NUBPL: variants seen among roughly 807,000 people sequenced by gnomAD.
NUBPL encodes the protein NUBP iron-sulfur cluster assembly factor, mitochondrial, also known as iron-sulfur cluster transfer protein NUBPL.
Under a neutral mutation model 45.7 loss-of-function variants are expected in NUBPL, and 31 were observed. That is an observed-to-expected ratio of 0.68 (90% CI 0.51 to 0.92). The LOEUF (loss-of-function observed/expected upper bound fraction) is 0.92, where lower values mean the gene tolerates loss of function less well. Among genes scored for constraint, NUBPL ranks in the 40% least tolerant of loss-of-function variants. The pLI is 0.00. For missense variants in NUBPL, 401 were observed against 398.7 expected, an observed-to-expected ratio of 1.01 and a Z score of -0.05; for synonymous variants, 144 against 140.9, an observed-to-expected ratio of 1.02 and a Z score of -0.15.
chr14:31,710,244 A>T (rs1456022470), intron 6 of NUBPL, among the ~76,000 whole-genome samples: 1 of 152,102 alleles, frequency 6.6e-6, no homozygotes, highest in African/African-American at 2.4e-5. Flanking sequence ...CTGAATGACA[A>T]AACCGCCCGC....
intron 6 of NUBPL, among the ~76,000 whole-genome samples, chr14:31,766,493 T>G (rs1296417915): frequency 6.6e-6 from 1 of 152,170 alleles, no homozygotes; most frequent in African/African-American, 2.4e-5. Context: ...TGTACTTTGC[T>G]CCAAAGAAAT....
At chr14:31,844,025 T>G (rs555879601) in intron 8 of NUBPL, 1 of 152,352 alleles carries the variant, frequency 6.6e-6, no homozygotes, top group South Asian at 2.1e-4. Flanking sequence ...TCGTTAAATA[T>G]TGAGTTTGGT....
At chr14:31,849,571 A>G (rs979449714) in intron 9 of NUBPL, among the ~76,000 whole-genome samples, 1 of 152,198 alleles carries the variant, frequency 6.6e-6, no homozygotes, top group Non-Finnish European at 1.5e-5. Context: ...ATGGTGCTAC[A>G]TAGGTTAGTA....
At chr14:31,688,509 C>T (rs770972511) in intron 6 of NUBPL, among the ~76,000 whole-genome samples, 6 of 148,346 alleles carry the variant, frequency 4.0e-5, no homozygotes, top group Non-Finnish European at 8.9e-5. Flanking sequence ...CCTAGAAGGC[C>T]GAGGAGGTTG....
intron 7 of NUBPL, among the ~76,000 whole-genome samples, chr14:31,815,446 G>A (rs909893351): frequency 6.6e-6 from 1 of 152,124 alleles, no homozygotes; most frequent in African/African-American, 2.4e-5. Flanking sequence ...CTGAGACGAT[G>A]GGGTTTTCTA....
At chr14:31,617,760 G>T (rs1470529873) in intron 4 of NUBPL, among the ~76,000 whole-genome samples, 1 of 152,140 alleles carries the variant, frequency 6.6e-6, no homozygotes, top group African/African-American at 2.4e-5. Flanking sequence ...GTCTCTGCCA[G>T]GTTTTGGTAT....
intron 6 of NUBPL, among the ~76,000 whole-genome samples, chr14:31,704,650 G>A (rs1241682754): frequency 6.6e-6 from 1 of 151,590 alleles, no homozygotes; most frequent in Non-Finnish European, 1.5e-5. Context: ...GGCAACAAGA[G>A]CAAAACTCCA....
intron 6 of NUBPL, among the ~76,000 whole-genome samples, chr14:31,732,019 G>T (rs8018798): frequency 6.6e-6 from 1 of 151,530 alleles, no homozygotes; most frequent in Non-Finnish European, 1.5e-5. Flanking sequence ...TGGCTAAAAC[G>T]GTGAAATCCC....
intron 8 of NUBPL, among the ~76,000 whole-genome samples, chr14:31,837,964 T>C (rs972245378): frequency 3.9e-5 from 6 of 152,264 alleles, no homozygotes; most frequent in Non-Finnish European, 7.4e-5. Flanking sequence ...TGCCTAAGCC[T>C]TCATTTCCAC....
At position 31,831,664 on chromosome 14, in the gene NUBPL, T is replaced by C. The variant is rs146181327; in HGVS notation, c.693+4950T>C. On this transcript the variant is annotated intron_variant, in intron 8 of 10. Coordinates refer to ENST00000281081, the MANE Select transcript of NUBPL (RefSeq NM_025152.3). ...GACTAGGGAGGGACAGAATTCAGTC[T>C]TGAAAGAATCAGGAATACACAAGTT... is the stretch of plus-strand genomic sequence containing the variant. Among the ~76,000 whole-genome samples, 4 of 152,296 alleles carry C rather than the reference T, an allele frequency of 2.6e-5. No individual in the cohort carries two copies. The East Asian group carries it at 7.7e-4, about 29-fold the overall frequency.
At chr14:31,734,408 G>C (rs2038120090) in intron 6 of NUBPL, among the ~76,000 whole-genome samples, 1 of 152,090 alleles carries the variant, frequency 6.6e-6, no homozygotes, top group Non-Finnish European at 1.5e-5. Context: ...CTAACATAGA[G>C]AACAATCTCT....
At chr14:31,606,316 T>C (rs1190736936) in intron 4 of NUBPL, among the ~76,000 whole-genome samples, 1 of 152,028 alleles carries the variant, frequency 6.6e-6, no homozygotes, top group African/African-American at 2.4e-5. Flanking sequence ...GGTCTTGAAC[T>C]CCTGGACTCA....
rs182016342 is a variant in NUBPL at position 31,645,058 on chromosome 14, C to A, written c.383-28297C>A. 6.7e-3 allele frequency among the ~76,000 whole-genome samples: 901 copies of A among 134,612 alleles called. 9 individuals carry two copies. Among genetic ancestry groups the A allele is most frequent in the African/African-American group, 0.026 (842 of 31,790 alleles). 88.3% of individuals were successfully genotyped at this position (134,612 alleles called of 152,430 possible). ...GTGTCTTTATATGTGAGGTGCATTT[C>A]TTTTTCTTTTCTTTTTTTTTTTTTT... On this transcript the variant is annotated intron_variant, in intron 4 of 10. Coordinates refer to ENST00000281081, the MANE Select transcript of NUBPL (RefSeq NM_025152.3).
rs548172841 is a variant in NUBPL, at chr14:31,677,703, G to T, written c.513+4129G>T. On this transcript the variant is annotated intron_variant, in intron 6 of 10. Coordinates refer to ENST00000281081, the MANE Select transcript of NUBPL (RefSeq NM_025152.3). ...TCTGAGCTACCTAAAGCTGGGGATA[G>T]GGTGACACAAGCACCCCTGTGTCCT... Among the ~76,000 whole-genome samples the T allele has an allele frequency of 1.9e-4, 29 of 152,328 alleles. 2 individuals are homozygous for T. In the South Asian group the frequency reaches 5.8e-3, roughly 30 times the overall value.
intron 6 of NUBPL, among the ~76,000 whole-genome samples, chr14:31,702,575 GT>G (rs1811835581): frequency 6.6e-6 from 1 of 152,190 alleles, no homozygotes; most frequent in Non-Finnish European, 1.5e-5. Context: ...GAATGTATGT[GT>G]AAAGCTAAAT....
intron 4 of NUBPL, among the ~76,000 whole-genome samples, chr14:31,614,985 A>T (rs2034857912): frequency 6.6e-6 from 1 of 152,158 alleles, no homozygotes; most frequent in Admixed American, 6.5e-5. Flanking sequence ...GGTATTGAGG[A>T]TTGACAATGA....
At chr14:31,701,750 G>C (rs2139895562) in intron 6 of NUBPL, among the ~76,000 whole-genome samples, 1 of 152,280 alleles carries the variant, frequency 6.6e-6, no homozygotes, top group East Asian at 1.9e-4. Context: ...AGAAACTTTG[G>C]ACACACCATC....
intron 4 of NUBPL, among the ~76,000 whole-genome samples, chr14:31,666,042 T>C (rs2036402201): frequency 6.6e-6 from 1 of 151,484 alleles, no homozygotes; most frequent in African/African-American, 2.4e-5. Context: ...GAGACTAGGA[T>C]TGTACCCTGG....
rs1010630376 is a variant in NUBPL, at chr14:31,785,560, A to C, written c.514-2220A>C. Among the ~76,000 whole-genome samples, 6 of 152,200 alleles carry C rather than the reference A, an allele frequency of 3.9e-5. No homozygotes were observed. In the South Asian group the frequency reaches 8.3e-4, roughly 21 times the overall value. On this transcript the variant is annotated intron_variant, in intron 6 of 10. Coordinates refer to ENST00000281081, the MANE Select transcript of NUBPL (RefSeq NM_025152.3). ...CCATGGAAAAATTGTCTTCCACAAA[A>C]TGGTCCCTGGTGCCAAAAAGGTTGT...
Sources: allele counts gnomAD v4.1 joint callset (sites outside exome capture counted in the v4.1 genomes callset), GRCh38; gene constraint gnomAD v4.1.1; transcripts MANE v1.5; gene names NCBI Gene and HGNC (gene_info 2026-07-23, HGNC 2026-07-21).